MEGF6: variants seen among roughly 807,000 people sequenced by gnomAD.
The protein encoded by MEGF6 is multiple epidermal growth factor-like domains protein 6.
MEGF6 carries 184 observed loss-of-function variants against 207.1 expected under a neutral mutation model. The ratio of observed to expected loss-of-function variants is 0.89; its 90% CI spans 0.79 to 1.00. MEGF6 has a LOEUF of 1.00. Among genes scored for constraint, MEGF6 ranks in the 50% least tolerant of loss-of-function variants. MEGF6 has a pLI of 0.00. For missense variants in MEGF6, 2,282 were observed against 2,202.9 expected (o/e 1.04, Z -0.72); for synonymous variants, 1,038 against 910.0 (o/e 1.14, Z -2.53).
At position 3,602,526 on chromosome 1, in the gene MEGF6, G is replaced by T. The variant is rs373558942; in HGVS notation, c.206C>A (p.Thr69Lys). 1 of 1,613,174 alleles carries T rather than the reference G, an allele frequency of 6.2e-7. No homozygotes were observed. Among genetic ancestry groups the T allele is most frequent in the African/African-American group, 1.3e-5 (1 of 74,930 alleles). Reference protein sequence around the residue: ...RQPCVQALSHTVPVWKAGCGW... With the variant: ...RQPCVQALSHKVPVWKAGCGW... ...ACAGCCGGCCTTCCACACCGGCACCGTGTGGCTTAAGGCCTGCACGCACGG... is the reference window on the plus strand; with the variant it reads ...ACAGCCGGCCTTCCACACCGGCACCTTGTGGCTTAAGGCCTGCACGCACGG... Residue 69 changes from threonine to lysine, a missense_variant, in exon 2 of 37, where the codon ACG (threonine) becomes AAG (lysine). Thr to Lys is a moderately conservative substitution (Grantham distance 78, BLOSUM62 -1). Transcript: ENST00000356575.
intron 4 of MEGF6, among the ~76,000 whole-genome samples, chr1:3,566,204 C>T (rs1643339747): frequency 6.6e-6 from 1 of 152,162 alleles, no homozygotes; most frequent in Non-Finnish European, 1.5e-5. Context: ...CCGGCTTGAC[C>T]GGGCCAGAGG....
intron 15 of MEGF6, 101 bp from the exon 16 acceptor site, chr1:3,505,657 T>G: frequency 7.1e-7 from 1 of 1,404,752 alleles, no homozygotes; most frequent in Non-Finnish European, 9.4e-7. Flanking sequence ...GCCAAGATCA[T>G]GTAGGGAGCT....
intron 3 of MEGF6, among the ~76,000 whole-genome samples, chr1:3,588,550 G>GAC (rs1643930771): frequency 1.3e-5 from 2 of 150,000 alleles, no homozygotes; most frequent in Non-Finnish European, 3.0e-5. Flanking sequence ...GAGGGGGCAG[G>GAC]AGGGGGCAGG....
chr1:3,539,137 A>T (rs951660180), intron 4 of MEGF6, among the ~76,000 whole-genome samples: 12 of 152,150 alleles, frequency 7.9e-5, no homozygotes, highest in African/African-American at 2.9e-4. Context: ...GAATCCAGTG[A>T]TCAAGGGTGC....
intron 4 of MEGF6, among the ~76,000 whole-genome samples, chr1:3,576,875 C>T (rs1643658124): frequency 6.7e-6 from 1 of 149,962 alleles, no homozygotes; most frequent in Non-Finnish European, 1.5e-5. Context: ...CACTCCACCC[C>T]CGCACACCTG....
chr1:3,548,526 A>AAGGTGCCC (rs1642788131), intron 4 of MEGF6, among the ~76,000 whole-genome samples: 1 of 152,230 alleles, frequency 6.6e-6, no homozygotes, highest in Non-Finnish European at 1.5e-5. Flanking sequence ...GGTCAGAGCC[A>AAGGTGCCC]AGGTGCCCAG....
intron 11 of MEGF6, among the ~76,000 whole-genome samples, 161 bp downstream of exon 11, chr1:3,509,709 A>C (rs912314839): frequency 1.3e-5 from 2 of 152,288 alleles, no homozygotes; most frequent in East Asian, 3.9e-4. Context: ...TGGGTCCCCA[A>C]GGGCCCAAGA....
At chr1:3,580,385 G>T (rs891313519) in intron 3 of MEGF6, among the ~76,000 whole-genome samples, 2 of 152,212 alleles carry the variant, frequency 1.3e-5, no homozygotes, top group Admixed American at 6.5e-5. Context: ...AGCCCCGGGA[G>T]GGGAGGCTCC....
intron 4 of MEGF6, among the ~76,000 whole-genome samples, chr1:3,552,018 C>T (rs903693350): frequency 1.3e-5 from 2 of 152,184 alleles, no homozygotes; most frequent in African/African-American, 2.4e-5. Context: ...CCCAAGTCAA[C>T]GTTACCATCA....
chr1:3,595,679 C>G (rs1023696034), intron 2 of MEGF6, among the ~76,000 whole-genome samples: 3 of 152,184 alleles, frequency 2.0e-5, no homozygotes, highest in East Asian at 1.9e-4. Context: ...ACAGTGGCCT[C>G]GTGCTGCATG....
At chr1:3,552,044 G>C (rs1156312807) in intron 4 of MEGF6, among the ~76,000 whole-genome samples, 1 of 152,130 alleles carries the variant, frequency 6.6e-6, no homozygotes, top group Non-Finnish European at 1.5e-5. Flanking sequence ...GGCACGGGAG[G>C]GGACCCCTGC....
At chr1:3,624,020 T>C in the MEGF6 span, among the ~76,000 whole-genome samples, 4 of 152,296 alleles carry the variant, frequency 2.6e-5, no homozygotes, top group East Asian at 1.9e-4. Flanking sequence ...AAACCGTCCA[T>C]CTTTACAAAT....
intron 4 of MEGF6, among the ~76,000 whole-genome samples, chr1:3,550,565 C>A (rs1237845258): frequency 6.6e-6 from 1 of 152,248 alleles, no homozygotes; most frequent in East Asian, 1.9e-4. Context: ...AGAAAAACGT[C>A]ATCCCAAGAC....
At chr1:3,555,116 C>A (rs371826838) in intron 4 of MEGF6, among the ~76,000 whole-genome samples, 2 of 152,234 alleles carry the variant, frequency 1.3e-5, no homozygotes, top group African/African-American at 4.8e-5. Context: ...CAACACCCCA[C>A]GCACGGGGCC....
At chr1:3,538,821 T>C (rs12749304) in intron 4 of MEGF6, among the ~76,000 whole-genome samples, 4 of 151,762 alleles carry the variant, frequency 2.6e-5, no homozygotes, top group African/African-American at 4.8e-5. Context: ...ACCTGAGCCC[T>C]CGAGGGCTGA....
chr1:3,588,555 G>T (rs1643930937), intron 3 of MEGF6, among the ~76,000 whole-genome samples: 1 of 151,444 alleles, frequency 6.6e-6, no homozygotes, highest in Non-Finnish European at 1.5e-5. Flanking sequence ...GGCAGGAGGG[G>T]GCAGGAGGGG....
intron 21 of MEGF6, among the ~76,000 whole-genome samples, 154 bp downstream of exon 21, chr1:3,500,466 CACGTTTTGGTGGG>C: frequency 1.3e-5 from 2 of 152,278 alleles, no homozygotes; most frequent in Admixed American, 6.5e-5. Context: ...TGCGTGCCTG[CACGTTTTGGTGGG>C]TGTGTGCGCG....
intron 4 of MEGF6, among the ~76,000 whole-genome samples, chr1:3,572,896 G>A (rs1643547351): frequency 7.2e-6 from 1 of 138,950 alleles, no homozygotes; most frequent in Admixed American, 7.1e-5. Context: ...TCCTGGGTGT[G>A]CTGGGTTCTC....
chr1:3,541,785 G>C (rs990841127), intron 4 of MEGF6, among the ~76,000 whole-genome samples: 1 of 152,088 alleles, frequency 6.6e-6, no homozygotes, highest in African/African-American at 2.4e-5. Context: ...GGGTGGGAAG[G>C]GCAGAGCGAC....
Sources: gnomAD v4.1 joint callset for allele counts (sites outside exome capture counted in the v4.1 genomes callset) on GRCh38, gnomAD v4.1.1 for gene constraint, MANE v1.5 for transcripts, NCBI Gene and HGNC (gene_info 2026-07-23, HGNC 2026-07-21) for gene names.